ATRN: variants seen among roughly 807,000 people sequenced by gnomAD.
ATRN encodes the protein attractin.
ATRN carries 54 observed loss-of-function variants against 178.7 expected under a neutral mutation model. That is an observed-to-expected ratio of 0.30 (90% confidence interval 0.24 to 0.38). The LOEUF (loss-of-function observed/expected upper bound fraction) is 0.38. ATRN is among the 10% of genes least tolerant of loss of function. The pLI is 1.00. For missense variants in ATRN, 1,443 were observed against 1,815.1 expected (o/e 0.79, Z 3.73); for synonymous variants, 636 against 663.0 (o/e 0.96, Z 0.63).
Position 3,609,756 on chromosome 20 carries a change from A to AGT in ATRN, c.3801+5494_3801+5495insGT, listed in dbSNP as rs2086737033. ...TGTGTGTGTGTGTGTGTGTGTATAA[A>AGT]ATAAAATGTTATTCAGCATTAAAAA... On this transcript the variant is annotated intron_variant, in intron 24 of 28. Coordinates refer to ENST00000262919, the MANE Select transcript of ATRN (RefSeq NM_139321.3). 4.6e-5 allele frequency among the ~76,000 whole-genome samples: 6 copies of AGT among 129,324 alleles called. No individual in the cohort carries two copies. In the South Asian group the frequency reaches 1.2e-3, roughly 25 times the overall value. 84.8% of individuals were successfully genotyped at this position (129,324 alleles called of 152,430 possible).
chr20:3,557,226 T>TA (rs921402445), intron 6 of ATRN, among the ~76,000 whole-genome samples: 5 of 151,810 alleles, frequency 3.3e-5, no homozygotes, highest in African/African-American at 7.3e-5. Flanking sequence ...TATCATGTCA[T>TA]AAAAAAAATA....
chr20:3,539,445 G>C (rs900955793), intron 2 of ATRN, among the ~76,000 whole-genome samples: 3 of 152,206 alleles, frequency 2.0e-5, no homozygotes, highest in African/African-American at 7.2e-5. Flanking sequence ...TTCCAGATGA[G>C]AGGGAGATGT....
chr20:3,589,435 T>C (rs2086407655), intron 18 of ATRN, among the ~76,000 whole-genome samples: 2 of 134,822 alleles, frequency 1.5e-5, no homozygotes, highest in Non-Finnish European at 3.5e-5. Flanking sequence ...TTGTGAGGGT[T>C]TTTTTTTTTA....
chr20:3,607,710 T>C (rs573557779), intron 24 of ATRN, among the ~76,000 whole-genome samples: 12 of 152,228 alleles, frequency 7.9e-5, no homozygotes, highest in Non-Finnish European at 1.6e-4. Flanking sequence ...CTCTCCAGTA[T>C]ACTGATTTTC....
intron 1 of ATRN, among the ~76,000 whole-genome samples, chr20:3,480,995 C>A (rs2084612919): frequency 6.6e-6 from 1 of 152,196 alleles, no homozygotes. Context: ...CATTAACTTA[C>A]TATGATACTT....
chr20:3,527,083 A>T (rs1429663148), intron 1 of ATRN, among the ~76,000 whole-genome samples: 1 of 152,196 alleles, frequency 6.6e-6, no homozygotes, highest in African/African-American at 2.4e-5. Context: ...GACAAATGGG[A>T]TCTAATTAAA....
intron 2 of ATRN, among the ~76,000 whole-genome samples, chr20:3,535,633 A>G (rs539287797): frequency 6.6e-6 from 1 of 150,408 alleles, no homozygotes; most frequent in East Asian, 1.9e-4. Context: ...ACACATATAT[A>G]TTTATTTATT....
intron 11 of ATRN, among the ~76,000 whole-genome samples, chr20:3,565,796 CAAAAAAAAAAAA>C (rs10582104): frequency 3.0e-5 from 3 of 100,244 alleles, no homozygotes; most frequent in Non-Finnish European, 5.9e-5. Flanking sequence ...GACTCTGTCT[CAAAAAAAAAAAA>C]AAAAAAAAAA....
At chr20:3,589,939 TCTTG>T (rs887349031) in intron 18 of ATRN, among the ~76,000 whole-genome samples, 10 of 152,312 alleles carry the variant, frequency 6.6e-5, no homozygotes, top group African/African-American at 1.7e-4. Flanking sequence ...TTTCTTTCAT[TCTTG>T]CTTGCTTGCT....
intron 22 of ATRN, among the ~76,000 whole-genome samples, chr20:3,600,507 A>G (rs1254736755): frequency 6.6e-6 from 1 of 152,128 alleles, no homozygotes; most frequent in African/African-American, 2.4e-5. Flanking sequence ...TGAGTTTAGA[A>G]TTATATGGGT....
At chr20:3,539,432 AAGTTCCAGATGAG>A (rs1438126005) in intron 2 of ATRN, among the ~76,000 whole-genome samples, 2 of 152,210 alleles carry the variant, frequency 1.3e-5, no homozygotes, top group African/African-American at 4.8e-5. Flanking sequence ...GTGGATGCAA[AAGTTCCAGATGAG>A]AGGGAGATGT....
intron 3 of ATRN, among the ~76,000 whole-genome samples, chr20:3,541,789 T>A (rs2085626272): frequency 6.6e-6 from 1 of 152,262 alleles, no homozygotes; most frequent in Admixed American, 6.5e-5. Context: ...TTTCAGTTTT[T>A]CACCTGCAAC....
At chr20:3,516,001 A>G (rs1323643556) in intron 1 of ATRN, among the ~76,000 whole-genome samples, 4 of 152,218 alleles carry the variant, frequency 2.6e-5, no homozygotes, top group Admixed American at 2.6e-4. Flanking sequence ...GTGCCATTAG[A>G]ATGCCAGGCA....
At chr20:3,545,390 A>G (rs949279810) in intron 3 of ATRN, among the ~76,000 whole-genome samples, 2 of 151,462 alleles carry the variant, frequency 1.3e-5, no homozygotes, top group Non-Finnish European at 2.9e-5. Flanking sequence ...AACAACAAAA[A>G]CCTCATGTCT....
At chr20:3,604,008 T>C in intron 23 of ATRN, 97 bp from the exon 24 acceptor site, 1 of 1,017,852 alleles carries the variant, frequency 9.8e-7, no homozygotes, top group Non-Finnish European at 1.4e-6. Flanking sequence ...AAATGTTTGA[T>C]AAATGCTATT....
intron 24 of ATRN, among the ~76,000 whole-genome samples, chr20:3,609,703 G>GGTAT (rs762925670): frequency 8.1e-6 from 1 of 122,986 alleles, no homozygotes; most frequent in Non-Finnish European, 1.7e-5. Context: ...AACAAAATGT[G>GGTAT]GTATGTATGT....
At chr20:3,619,978 C>T (rs1241271056) in intron 24 of ATRN, among the ~76,000 whole-genome samples, 7 of 152,232 alleles carry the variant, frequency 4.6e-5, no homozygotes, top group African/African-American at 1.4e-4. Context: ...TTTCAGAATG[C>T]AAAACCTCCC....
intron 24 of ATRN, among the ~76,000 whole-genome samples, chr20:3,623,704 C>T (rs1483381222): frequency 6.6e-6 from 1 of 152,178 alleles, no homozygotes; most frequent in African/African-American, 2.4e-5. Context: ...CGCACCACAA[C>T]ATCTGGCTAG....
At chr20:3,601,527 C>A (rs546943535) in intron 23 of ATRN, among the ~76,000 whole-genome samples, 128 of 152,208 alleles carry the variant, frequency 8.4e-4, no homozygotes, top group Non-Finnish European at 1.5e-3. Flanking sequence ...GTCTGCCTTA[C>A]TGTGATTCAC....
Sources: gnomAD v4.1 joint callset for allele counts (sites outside exome capture counted in the v4.1 genomes callset) on GRCh38, gnomAD v4.1.1 for gene constraint, MANE v1.5 for transcripts, NCBI Gene and HGNC (gene_info 2026-07-23, HGNC 2026-07-21) for gene names.